The following SRPX variants were observed in gnomAD, a reference collection of about 807,000 sequenced individuals.
The protein encoded by SRPX is sushi repeat-containing protein SRPX.
Under a neutral mutation model 38.1 loss-of-function variants are expected in SRPX, and 24 were observed. The ratio of observed to expected loss-of-function variants is 0.63; its 90% confidence interval spans 0.46 to 0.89. The LOEUF (loss-of-function observed/expected upper bound fraction) is 0.89, where lower values mean the gene tolerates loss of function less well. Among genes scored for constraint, SRPX ranks in the 40% least tolerant of loss-of-function variants. The pLI is 0.00. For missense variants in SRPX, 416 were observed against 377.8 expected (o/e 1.10, Z -0.84); for synonymous variants, 184 against 153.8 (o/e 1.20, Z -1.45).
At chrX:38,210,774 G>A (rs1420228393) in intron 1 of SRPX, among the ~76,000 whole-genome samples, 3 of 112,359 alleles carry the variant, frequency 2.7e-5, no homozygotes, top group African/African-American at 9.7e-5. Flanking sequence ...CGTATACAAG[G>A]CTAGTTATAG....
At chrX:38,186,827 G>A (rs1645917547) in intron 1 of SRPX, among the ~76,000 whole-genome samples, 1 of 112,073 alleles carries the variant, frequency 8.9e-6, no homozygotes, top group African/African-American at 3.2e-5. Flanking sequence ...CCCCAAAGGT[G>A]AGTGGAAGGA....
intron 1 of SRPX, among the ~76,000 whole-genome samples, chrX:38,215,432 G>A (rs1410865944): frequency 1.8e-5 from 2 of 111,706 alleles, no homozygotes; most frequent in Non-Finnish European, 3.8e-5. Flanking sequence ...TCTTGCACAA[G>A]CTTTTCCTCT....
intron 5 of SRPX, among the ~76,000 whole-genome samples, chrX:38,163,852 G>A (rs1377851237): frequency 8.9e-6 from 1 of 111,748 alleles, no homozygotes; most frequent in Non-Finnish European, 1.9e-5. Flanking sequence ...AAAACAAGGG[G>A]TGAAAAAGTT....
At chrX:38,162,171 T>C (rs895700650) in intron 5 of SRPX, among the ~76,000 whole-genome samples, 2 of 112,452 alleles carry the variant, frequency 1.8e-5, no homozygotes, top group African/African-American at 6.5e-5. Context: ...TTTCTGAGAC[T>C]TTGTTTCACC....
At chrX:38,186,673 C>T (rs1232134682) in intron 1 of SRPX, among the ~76,000 whole-genome samples, 2 of 111,236 alleles carry the variant, frequency 1.8e-5, no homozygotes, top group East Asian at 2.8e-4. Context: ...CTGCTGGGAG[C>T]CTTTGACTGC....
intron 1 of SRPX, among the ~76,000 whole-genome samples, chrX:38,201,898 C>T (rs1601869831): frequency 9.0e-6 from 1 of 111,681 alleles, no homozygotes; most frequent in East Asian, 2.8e-4. Flanking sequence ...TAAAATCAGC[C>T]CAAACACAGA....
At chrX:38,180,620 C>T (rs750149773) in intron 1 of SRPX, among the ~76,000 whole-genome samples, 1 of 112,114 alleles carries the variant, frequency 8.9e-6, no homozygotes, top group Non-Finnish European at 1.9e-5. Context: ...ATTTGTGCAT[C>T]CCCCAGTGTT....
At chrX:38,193,146 A>C (rs1938937511) in intron 1 of SRPX, among the ~76,000 whole-genome samples, 1 of 111,205 alleles carries the variant, frequency 9.0e-6, no homozygotes. Flanking sequence ...GTTAACAGAC[A>C]CTACCTCAGG....
intron 1 of SRPX, among the ~76,000 whole-genome samples, chrX:38,204,165 C>T (rs1256397129): frequency 2.7e-5 from 3 of 111,663 alleles, no homozygotes; most frequent in Non-Finnish European, 5.6e-5. Context: ...CAATTCTCCC[C>T]CAAACTGATC....
At chrX:38,192,884 G>T (rs1451016690) in intron 1 of SRPX, among the ~76,000 whole-genome samples, 3 of 112,687 alleles carry the variant, frequency 2.7e-5, no homozygotes, top group Non-Finnish European at 5.6e-5. Flanking sequence ...GCCCTAAAGG[G>T]AACTTTGCCA....
At chrX:38,179,220 A>C (rs1210291674) in intron 1 of SRPX, among the ~76,000 whole-genome samples, 2 of 112,166 alleles carry the variant, frequency 1.8e-5, no homozygotes, top group African/African-American at 6.5e-5. Flanking sequence ...TGCTGGGATT[A>C]CAGGCGTGAG....
chrX:38,188,540 G>C (rs900810428), intron 1 of SRPX, among the ~76,000 whole-genome samples: 5 of 112,130 alleles, frequency 4.5e-5, no homozygotes, highest in Admixed American at 9.4e-5. Flanking sequence ...ATAGGTGTAT[G>C]TGTGGTAGGG....
intron 8 of SRPX, among the ~76,000 whole-genome samples, chrX:38,155,758 G>GC (rs1425305378): frequency 8.9e-6 from 1 of 112,073 alleles, no homozygotes; most frequent in African/African-American, 3.2e-5. Context: ...ATGGAATATA[G>GC]CCTGCAATGC....
At chrX:38,178,866 T>A (rs889302350) in intron 1 of SRPX, among the ~76,000 whole-genome samples, 1 of 111,459 alleles carries the variant, frequency 9.0e-6, no homozygotes, top group Admixed American at 9.5e-5. Flanking sequence ...TATACAGCAT[T>A]TGTAGGAAAT....
chrX:38,178,158 T>TCC, intron 2 of SRPX, 127 bp downstream of exon 2: 2 of 409,232 alleles, frequency 4.9e-6, no homozygotes, highest in Middle Eastern at 6.8e-4. Flanking sequence ...TATTTTTTTT[T>TCC]CCTTGATAGA....
At chrX:38,151,922 T>G (rs1343084304) in intron 9 of SRPX, among the ~76,000 whole-genome samples, 1 of 110,491 alleles carries the variant, frequency 9.1e-6, no homozygotes, top group Non-Finnish European at 1.9e-5. Context: ...AAAGCATGAA[T>G]CAGATCATAC....
chrX:38,182,115 T>C (rs1938684416), intron 1 of SRPX, among the ~76,000 whole-genome samples: 1 of 112,300 alleles, frequency 8.9e-6, no homozygotes, highest in African/African-American at 3.2e-5. Flanking sequence ...ATTAAATCTA[T>C]ACAATAACAC....
At chrX:38,172,551 A>G (rs1176463673) in intron 3 of SRPX, among the ~76,000 whole-genome samples, 1 of 113,249 alleles carries the variant, frequency 8.8e-6, no homozygotes, top group African/African-American at 3.2e-5. Flanking sequence ...TTGGCAACCC[A>G]GCTAAGCCAC....
intron 1 of SRPX, among the ~76,000 whole-genome samples, chrX:38,184,164 C>T (rs1327931226): frequency 9.0e-6 from 1 of 111,352 alleles, no homozygotes; most frequent in East Asian, 2.8e-4. Flanking sequence ...GGTTTCTCAC[C>T]GTAAGGTAGG....
Sources: gnomAD v4.1 joint callset for allele counts (sites outside exome capture counted in the v4.1 genomes callset) on GRCh38, gnomAD v4.1.1 for gene constraint, MANE v1.5 for transcripts, NCBI Gene and HGNC (gene_info 2026-07-23, HGNC 2026-07-21) for gene names.